RAC1: variants seen among roughly 807,000 people sequenced by gnomAD.
RAC1 encodes Rac family small GTPase 1, also known as ras-related C3 botulinum toxin substrate 1.
RAC1 carries 2 observed loss-of-function variants against 25.2 expected under a neutral mutation model. That is an observed-to-expected ratio of 0.08 (90% CI 0.03 to 0.25). The LOEUF is 0.25. Among genes scored for constraint, RAC1 ranks in the 10% least tolerant of loss-of-function variants. The probability of loss-of-function intolerance (pLI) is 1.00; values close to 1 mark genes in which losing one functional copy is unlikely to be tolerated. For missense variants in RAC1, 50 were observed against 235.7 expected (o/e 0.21, Z 5.16); for synonymous variants, 88 against 94.0 (o/e 0.94, Z 0.37).
intron 3 of RAC1, among the ~76,000 whole-genome samples, chr7:6,396,685 A>T (rs34617415): frequency 1.3e-5 from 2 of 152,326 alleles, no homozygotes; most frequent in Non-Finnish European, 2.9e-5. Context: ...TAGCCCATAG[A>T]TGAAACCCAG....
intron 3 of RAC1, chr7:6,399,875 C>G (rs1783347576): frequency 3.7e-6 from 2 of 540,878 alleles, no homozygotes; most frequent in South Asian, 2.5e-5. Flanking sequence ...TCCTCCTGAT[C>G]CTTGAAGAGC....
rs547305503 is a variant in RAC1, at chr7:6,379,732, A to T, written c.35+4962A>T. On this transcript the variant is annotated intron_variant, in intron 1 of 5. Transcript: ENST00000348035. ...GCCTAAACAACAGTTTTATTATTTT[A>T]TTTTTTATTTTTTTATTGCTTATTA... 1.9e-3 allele frequency among the ~76,000 whole-genome samples: 282 copies of T among 152,000 alleles called. 2 individuals are homozygous for T. Among genetic ancestry groups the T allele is most frequent in the South Asian group, 0.014 (67 of 4,822 alleles).
At chr7:6,393,050 G>A (rs1312436285) in intron 3 of RAC1, among the ~76,000 whole-genome samples, 1 of 152,196 alleles carries the variant, frequency 6.6e-6, no homozygotes, top group Non-Finnish European at 1.5e-5. Flanking sequence ...TGGAAGTTGT[G>A]TGGTGCTCAG....
chr7:6,394,635 C>T (rs1783179628), intron 3 of RAC1, among the ~76,000 whole-genome samples: 1 of 152,104 alleles, frequency 6.6e-6, no homozygotes, highest in Non-Finnish European at 1.5e-5. Context: ...GACCCCAGTG[C>T]GTCATGCCAG....
At position 6,402,733 on chromosome 7, in the gene RAC1, C is replaced by A. The variant is rs114923537; in HGVS notation, c.*287C>A. The A allele has an allele frequency of 1.4e-5, 4 of 283,844 alleles. No individual in the cohort carries two copies. Among genetic ancestry groups the A allele is most frequent in the South Asian group, 8.2e-5 (1 of 12,226 alleles). 17.6% of individuals were successfully genotyped at this position (283,844 alleles called of 1,614,324 possible). A position where few individuals can be genotyped will look rare whatever the true frequency, so the allele number is the denominator to read the frequency against. ...CCTTATTTTTCAAAAGCGCCCCCCC[C>A]ATTCTTGTTCAGATTAAGAGTTGCC... On this transcript the variant is annotated 3_prime_UTR_variant, in exon 6 of 6. Coordinates refer to ENST00000348035, the MANE Select transcript of RAC1 (RefSeq NM_006908.5).
At chr7:6,385,113 A>AC (rs1457467212) in intron 1 of RAC1, among the ~76,000 whole-genome samples, 1 of 152,080 alleles carries the variant, frequency 6.6e-6, no homozygotes, top group East Asian at 1.9e-4. Context: ...GCCTAAAAAT[A>AC]TTTTTTTCAG....
chr7:6,394,203 T>C (rs1421238232), intron 3 of RAC1, among the ~76,000 whole-genome samples: 3 of 152,192 alleles, frequency 2.0e-5, no homozygotes, highest in African/African-American at 4.8e-5. Context: ...ATTGGCATCC[T>C]CTCTATTGGG....
chr7:6,386,994 TG>T (rs34103602), intron 1 of RAC1, among the ~76,000 whole-genome samples: 11,449 of 152,126 alleles, frequency 0.075, 759 homozygotes, highest in African/African-American at 0.17. Context: ...TGATGGCTCC[TG>T]ACTCTATCTT....
At chr7:6,384,528 G>A (rs1352827541) in intron 1 of RAC1, among the ~76,000 whole-genome samples, 2 of 152,176 alleles carry the variant, frequency 1.3e-5, no homozygotes, top group Non-Finnish European at 2.9e-5. Flanking sequence ...ACCTAGGCTG[G>A]GTGGAGTGGT....
chr7:6,376,384 ATGT>A (rs1782594805), intron 1 of RAC1, among the ~76,000 whole-genome samples: 1 of 150,912 alleles, frequency 6.6e-6, no homozygotes, highest in Non-Finnish European at 1.5e-5. Flanking sequence ...GGGTTTCACC[ATGT>A]TGGCCTGGCT....
chr7:6,400,517 G>C (rs1331097354), intron 4 of RAC1, among the ~76,000 whole-genome samples: 1 of 152,002 alleles, frequency 6.6e-6, no homozygotes. Context: ...ATTTTTGTAT[G>C]GCTGGTTTTG....
In RAC1 at chr7:6,401,802, T is replaced by C. The variant is rs989094826; in HGVS notation, c.289-66T>C. 3 of 1,524,986 alleles carry C rather than the reference T, an allele frequency of 2.0e-6. No homozygotes were observed. The African/African-American group carries it at 4.1e-5, about 21-fold the overall frequency. The allele number at this position is 1,524,986 out of a possible 1,614,324, so 94.5% of individuals were successfully genotyped here. On this transcript the variant is annotated intron_variant, in intron 4 of 5. Coordinates refer to ENST00000348035, the MANE Select transcript of RAC1 (RefSeq NM_006908.5). Reference sequence around the variant, plus strand: ...TCTGGCATGAGTGCCGCCGGCTGGGTGTGATTTAGGTGAAGGACATCTGTA... The same window carrying C: ...TCTGGCATGAGTGCCGCCGGCTGGGCGTGATTTAGGTGAAGGACATCTGTA...
Position 6,403,422 on chromosome 7 carries a change from C to T in RAC1, c.*976C>T. On this transcript the variant is annotated 3_prime_UTR_variant, in exon 6 of 6. Transcript: ENST00000348035. ...TAGTAAGTGCTTTTCTTATAGAACC[C>T]CTTCTGACTGAGCAATATGCCTCCT... 1 of 214,190 alleles carries T rather than the reference C, an allele frequency of 4.7e-6. No homozygotes were observed. Among genetic ancestry groups the T allele is most frequent in the Non-Finnish European group, 9.4e-6 (1 of 105,972 alleles). The allele number at this position is 214,190 out of a possible 1,614,324, so 13.3% of individuals were successfully genotyped here.
At chr7:6,396,318 C>T (rs969637495) in intron 3 of RAC1, among the ~76,000 whole-genome samples, 6 of 152,072 alleles carry the variant, frequency 3.9e-5, no homozygotes, top group Non-Finnish European at 8.8e-5. Flanking sequence ...GCCAGCACAG[C>T]CTCTGTATGT....
intron 1 of RAC1, among the ~76,000 whole-genome samples, chr7:6,383,435 T>TCAAAG (rs1562462833): frequency 6.6e-6 from 1 of 151,506 alleles, no homozygotes; most frequent in Non-Finnish European, 1.5e-5. Flanking sequence ...AGGTTGCACT[T>TCAAAG]TAAGAATTCT....
In RAC1 at chr7:6,374,692, C is replaced by T. The variant is rs915703008; in HGVS notation, c.-44C>T. 16 of 1,079,884 alleles carry T rather than the reference C, an allele frequency of 1.5e-5. No homozygotes were observed. Among genetic ancestry groups the T allele is most frequent in the African/African-American group, 1.7e-5 (1 of 58,960 alleles). 66.9% of individuals were successfully genotyped at this position (1,079,884 alleles called of 1,614,324 possible). A position where few individuals can be genotyped will look rare whatever the true frequency, so the allele number is the denominator to read the frequency against. ...GCGCCCCGAGCCCGCCGCTTCCTAT[C>T]TCAGCGCCCTGCCGCCGCCGCCGCG... On this transcript the variant is annotated 5_prime_UTR_variant, in exon 1 of 6. Transcript: ENST00000348035.
In RAC1 at chr7:6,397,618, G is replaced by C. The variant is rs577399113; in HGVS notation, c.226-2508G>C. Among the ~76,000 whole-genome samples the C allele has an allele frequency of 1.9e-3, 295 of 152,320 alleles. 2 individuals carry two copies. Among genetic ancestry groups the C allele is most frequent in the African/African-American group, 6.8e-3 (284 of 41,580 alleles). Reference sequence around the variant, plus strand: ...AGTTCCAGGGTTCTATGTTGGAAGAGCGAGTTTGTCAGTTTTTATTGGAAC... The same window carrying C: ...AGTTCCAGGGTTCTATGTTGGAAGACCGAGTTTGTCAGTTTTTATTGGAAC... On this transcript the variant is annotated intron_variant, in intron 3 of 5. Coordinates refer to ENST00000348035, the MANE Select transcript of RAC1 (RefSeq NM_006908.5).
chr7:6,388,340 G>C (rs893554058), intron 2 of RAC1, among the ~76,000 whole-genome samples: 1 of 120,350 alleles, frequency 8.3e-6, no homozygotes, highest in Non-Finnish European at 1.9e-5. Flanking sequence ...TGTTGTTGTT[G>C]TTTTCCTTTT....
intron 1 of RAC1, among the ~76,000 whole-genome samples, chr7:6,381,685 G>A (rs887280961): frequency 1.3e-5 from 2 of 152,118 alleles, no homozygotes; most frequent in East Asian, 3.9e-4. Context: ...ATGAGCCACC[G>A]TGCCTGGCTT....
Sources: gnomAD v4.1 joint callset for allele counts (sites outside exome capture counted in the v4.1 genomes callset) on GRCh38, gnomAD v4.1.1 for gene constraint, MANE v1.5 for transcripts, NCBI Gene and HGNC (gene_info 2026-07-23, HGNC 2026-07-21) for gene names.